The following PAX9 variants were observed in gnomAD, a reference collection of about 807,000 sequenced individuals.
The protein encoded by PAX9 is paired box protein Pax-9.
PAX9 carries 6 observed loss-of-function variants against 29.1 expected under a neutral mutation model. The ratio of observed to expected loss-of-function variants is 0.21; its 90% confidence interval spans 0.11 to 0.41. The LOEUF is 0.41. Ranked by LOEUF, PAX9 falls within the 10% of genes least tolerant of loss-of-function variation. The pLI, the probability that PAX9 is intolerant of heterozygous loss-of-function variation, is 1.00. For synonymous variants in PAX9, 217 were observed against 211.7 expected (o/e 1.03, Z -0.22); for missense variants, 443 against 479.1 (o/e 0.92, Z 0.70).
rs954262410 is a variant in PAX9, at chr14:36,676,991, G to T, written c.*539G>T. 1.8e-5 allele frequency: 3 copies of T among 168,086 alleles called. No individual in the cohort carries two copies. Among genetic ancestry groups the T allele is most frequent in the African/African-American group, 7.2e-5 (3 of 41,554 alleles). The allele number at this position is 168,086 out of a possible 1,614,324, so 10.4% of individuals were successfully genotyped here. On this transcript the variant is annotated 3_prime_UTR_variant, in exon 4 of 4. Transcript: ENST00000361487. ...CTTGTTTGAGTGATCCTTTGTTTAA[G>T]ACATGACCTATTTTGTTGAAAAATA...
At chr14:36,661,754 CT>C (rs539902743), upstream of PAX9, 284 of 450,252 alleles carry the variant, frequency 6.3e-4, no homozygotes, top group African/African-American at 5.4e-3. Flanking sequence ...CTGGACTGCG[CT>C]GTCGCTCACC....
intron 2 of PAX9, among the ~76,000 whole-genome samples, chr14:36,665,167 G>T (rs1249941192): frequency 3.4e-5 from 3 of 87,794 alleles, no homozygotes; most frequent in Non-Finnish European, 4.4e-5. Flanking sequence ...GAGACATAGT[G>T]AAAAAAAAAA....
chr14:36,676,395 C>T lies in PAX9; in HGVS notation c.969C>T (p.Phe323=), dbSNP rs1369381829. 3.7e-6 allele frequency: 6 copies of T among 1,613,988 alleles called. No homozygotes were observed. Among genetic ancestry groups the T allele is most frequent in the Non-Finnish European group, 4.2e-6 (5 of 1,180,018 alleles). Residue 323 remains phenylalanine (F), a synonymous_variant, in exon 4 of 4, where the codon TTC becomes TTT. Transcript: ENST00000361487. ...HNCDIPASLA[F]KGMQAAREGS... is the part of the protein sequence containing the mutation. ...GTGACATTCCGGCATCGCTGGCGTT[C>T]AAGGGAATGCAGGCAGCCAGAGAAG...
At chr14:36,672,414 A>G (rs929985421) in intron 3 of PAX9, among the ~76,000 whole-genome samples, 7 of 152,190 alleles carry the variant, frequency 4.6e-5, no homozygotes, top group African/African-American at 1.4e-4. Context: ...ACAAACATCA[A>G]TGCTACCTGT....
intron 2 of PAX9, among the ~76,000 whole-genome samples, chr14:36,663,834 G>A (rs925633559): frequency 1.8e-4 from 28 of 152,168 alleles, no homozygotes; most frequent in Non-Finnish European, 3.4e-4. Flanking sequence ...GCCTCAGCCC[G>A]GCTTGCTCAC....
intron 3 of PAX9, among the ~76,000 whole-genome samples, chr14:36,667,854 G>A (rs896137571): frequency 3.3e-5 from 5 of 152,164 alleles, no homozygotes; most frequent in African/African-American, 1.2e-4. Flanking sequence ...TTTACTAAAC[G>A]ACCCACCCTT....
rs1353534863 is a variant in PAX9 at position 36,666,493 on chromosome 14, G to A, written c.663G>A (p.Lys221=). 6.2e-7 allele frequency: 1 copy of A among 1,610,726 alleles called. No individual in the cohort carries two copies. The highest frequency in any genetic ancestry group is 2.2e-5 in the East Asian group (1 of 44,682). ...VSDSSPYHSP[K]VEEWSSLGRN... ...ACAGCTCCCCCTACCACAGCCCCAA[G>A]GTGGAGGAGTGGAGCAGCCTGGGCC... Residue 221 remains lysine, a synonymous_variant, in exon 3 of 4, where the codon AAG becomes AAA. Coordinates refer to ENST00000361487, the MANE Select transcript of PAX9 (RefSeq NM_001372076.1).
rs987375990 is a variant in PAX9, at chr14:36,663,481, T to C, written c.589T>C (p.Ser197Pro). 1 of 1,612,774 alleles carries C rather than the reference T, an allele frequency of 6.2e-7. No individual in the cohort carries two copies. The highest frequency in any genetic ancestry group is 8.5e-7 in the Non-Finnish European group (1 of 1,179,884). Reference protein sequence around the residue: ...AMPRTWPSSHSVTDILGIRSI... With the variant: ...AMPRTWPSSHPVTDILGIRSI... ...GCCGCGCACCTGGCCCTCCTCGCAC[T>C]CCGTCACCGACATCCTGGGCATCCG... is the stretch of plus-strand genomic sequence containing the variant. Residue 197 changes from serine to proline, a missense_variant, in exon 2 of 4, where the codon TCC becomes CCC. By Grantham distance (74) the Ser-to-Pro change is moderately conservative. Coordinates refer to ENST00000361487, the MANE Select transcript of PAX9 (RefSeq NM_001372076.1).
intron 3 of PAX9, among the ~76,000 whole-genome samples, chr14:36,673,650 A>G (rs1396547181): frequency 6.6e-6 from 1 of 152,208 alleles, no homozygotes; most frequent in African/African-American, 2.4e-5. Flanking sequence ...AGGGAAGATG[A>G]CTAAGCAAGG....
rs1881880712 is a variant in PAX9 at position 36,676,187 on chromosome 14, ACTCCT to A, written c.772-7_772-3del. ...TGTGATTATTTTTCACTTCTTTTCT[ACTCCT>A]CTCAGGCACCAAATGGTCTCCCAGC... On this transcript the variant is annotated splice_region_variant and splice_polypyrimidine_tract_variant and intron_variant, in intron 3 of 3. Coordinates refer to ENST00000361487, the MANE Select transcript of PAX9 (RefSeq NM_001372076.1). 1 of 1,613,398 alleles carries A rather than the reference ACTCCT, an allele frequency of 6.2e-7. No homozygotes were observed. The highest frequency in any genetic ancestry group is 1.7e-5 in the Admixed American group (1 of 59,962).
rs1161445423 is a variant in PAX9 at position 36,676,468 on chromosome 14, C to T, written c.*16C>T. The T allele has an allele frequency of 8.1e-6, 13 of 1,610,206 alleles. No individual in the cohort carries two copies. The highest frequency in any genetic ancestry group is 1.7e-5 in the Admixed American group (1 of 59,998). On this transcript the variant is annotated 3_prime_UTR_variant, in exon 4 of 4. Coordinates refer to ENST00000361487, the MANE Select transcript of PAX9 (RefSeq NM_001372076.1). ...CGCGCTCTGATGGGAAATTCCGTCT[C>T]CAGCAGCTTCACCCGGGTCTCCCTG...
rs1383515076 is a variant in PAX9, at chr14:36,676,409, C to T, written c.983C>T (p.Ala328Val). The change falls in exon 4 of 4, where the codon GCA (alanine) becomes GTA (valine). Residue 328 changes from alanine to valine, a missense_variant. Ala to Val is a moderately conservative substitution (Grantham distance 64). Coordinates refer to ENST00000361487, the MANE Select transcript of PAX9 (RefSeq NM_001372076.1). ...TCGCTGGCGTTCAAGGGAATGCAGG[C>T]AGCCAGAGAAGGTAGTCATTCTGTC... ...PASLAFKGMQ[A>V]AREGSHSVTA... The T allele has an allele frequency of 2.5e-6, 4 of 1,614,084 alleles. No individual in the cohort carries two copies. In the South Asian group the frequency reaches 4.4e-5, roughly 18 times the overall value.
intron 1 of PAX9, 66 bp downstream of exon 1, chr14:36,662,159 G>A: frequency 8.5e-7 from 1 of 1,172,590 alleles, no homozygotes; most frequent in East Asian, 2.6e-5. Context: ...GGCAAGGGAG[G>A]GAGGGAGGGA....
upstream of PAX9, among the ~76,000 whole-genome samples, chr14:36,659,318 A>G (rs568048961): frequency 6.6e-6 from 1 of 150,752 alleles, no homozygotes; most frequent in East Asian, 2.0e-4. Flanking sequence ...TCCTTCCTTC[A>G]TCCTCTTTCT....
chr14:36,664,277 T>C (rs1249695346), intron 2 of PAX9, among the ~76,000 whole-genome samples: 1 of 152,238 alleles, frequency 6.6e-6, no homozygotes, highest in Non-Finnish European at 1.5e-5. Context: ...ACTGCAGTGA[T>C]GGAGATAAAA....
chr14:36,664,528 C>T (rs182823132), intron 2 of PAX9, among the ~76,000 whole-genome samples: 7 of 151,794 alleles, frequency 4.6e-5, no homozygotes, highest in South Asian at 4.2e-4. Flanking sequence ...CTGCCCAGTC[C>T]GGCTTCCGCA....
At chr14:36,667,841 T>C (rs11623880) in intron 3 of PAX9, among the ~76,000 whole-genome samples, 6,859 of 152,328 alleles carry the variant, frequency 0.045, 209 homozygotes, top group Middle Eastern at 0.12. Context: ...TTTGTCATTT[T>C]CTTTTACTAA....
intron 3 of PAX9, among the ~76,000 whole-genome samples, chr14:36,669,034 C>T (rs955865068): frequency 1.3e-5 from 2 of 152,090 alleles, no homozygotes; most frequent in African/African-American, 4.8e-5. Flanking sequence ...TTCTGCATTG[C>T]AATGTATTTA....
chr14:36,676,358 C>T lies in PAX9; in HGVS notation c.932C>T (p.Ser311Phe), dbSNP rs760041338. ...CAACATGCTGGGGGCACCTCATTGT[C>T]TCCCCACAACTGTGACATTCCGGCA... ...GWQHAGGTSL[S>F]PHNCDIPASL... The change falls in exon 4 of 4, where the codon TCT becomes TTT. Residue 311 changes from serine to phenylalanine, a missense_variant. Physicochemically the swap from Ser to Phe is radical, Grantham distance 155. Transcript: ENST00000361487. 1 of 1,614,116 alleles carries T rather than the reference C, an allele frequency of 6.2e-7. No individual in the cohort carries two copies. Among genetic ancestry groups the T allele is most frequent in the Non-Finnish European group, 8.5e-7 (1 of 1,180,018 alleles).
Sources: gnomAD v4.1 joint callset for allele counts (sites outside exome capture counted in the v4.1 genomes callset) on GRCh38, gnomAD v4.1.1 for gene constraint, MANE v1.5 for transcripts, NCBI Gene and HGNC (gene_info 2026-07-23, HGNC 2026-07-21) for gene names.